NPM1: variants seen among roughly 807,000 people sequenced by gnomAD.
NPM1 encodes the protein nucleophosmin 1.
NPM1 carries 1 observed loss-of-function variant against 44.1 expected under a neutral mutation model. That is an observed-to-expected ratio of 0.02 (90% CI 0.01 to 0.11). The LOEUF is 0.11. NPM1 is among the 10% of genes least tolerant of loss of function. The pLI is 1.00. For synonymous variants in NPM1, 126 were observed against 111.8 expected, an observed-to-expected ratio of 1.13 and a Z score of -0.80; for missense variants, 197 against 347.8, an observed-to-expected ratio of 0.57 and a Z score of 3.45.
intron 6 of NPM1, among the ~76,000 whole-genome samples, chr5:171,396,706 A>G (rs1035460391): frequency 2.0e-5 from 3 of 152,106 alleles, no homozygotes; most frequent in Non-Finnish European, 4.4e-5. Flanking sequence ...TTGTTTACCT[A>G]TTAACAGTTC....
chr5:171,407,092 A>T (rs1410857329), intron 9 of NPM1: 3 of 152,748 alleles, frequency 2.0e-5, no homozygotes, highest in Non-Finnish European at 4.4e-5. Context: ...GAGTGATTAG[A>T]GAAGTGTAAT....
At chr5:171,403,260 C>T (rs868322875) in intron 8 of NPM1, among the ~76,000 whole-genome samples, 994 of 88,382 alleles carry the variant, frequency 0.011, 34 homozygotes, top group African/African-American at 0.036. Flanking sequence ...CATCTTGCAC[C>T]GCCCTTAATC....
chr5:171,387,892 CA>C lies in NPM1; in HGVS notation c.-56del. Reference sequence around the variant, plus strand: ...CGTCCTGCGCGGTTGTTCTCTGGAGCAGCGTTCTTTTATCTCCGTCCGCCTT... The same window carrying C: ...CGTCCTGCGCGGTTGTTCTCTGGAGCGCGTTCTTTTATCTCCGTCCGCCTT... On this transcript the variant is annotated 5_prime_UTR_variant, in exon 1 of 11. Coordinates refer to ENST00000296930, the MANE Select transcript of NPM1 (RefSeq NM_002520.7). The C allele has an allele frequency of 1.3e-6, 2 of 1,533,012 alleles. No individual in the cohort carries two copies. The highest frequency in any genetic ancestry group is 2.2e-5 in the South Asian group (2 of 89,198). 95.0% of individuals were successfully genotyped at this position (1,533,012 alleles called of 1,614,324 possible). A position where few individuals can be genotyped will look rare whatever the true frequency, so the allele number is the denominator to read the frequency against.
At chr5:171,398,708 G>A (rs994806469) in intron 6 of NPM1, among the ~76,000 whole-genome samples, 2 of 152,108 alleles carry the variant, frequency 1.3e-5, no homozygotes, top group African/African-American at 2.4e-5. Context: ...GGAGGCAGAG[G>A]TTGCAGTGAT....
At chr5:171,396,842 G>A (rs1484868513) in intron 6 of NPM1, among the ~76,000 whole-genome samples, 1 of 152,114 alleles carries the variant, frequency 6.6e-6, no homozygotes, top group South Asian at 2.1e-4. Context: ...GTGTGATGGT[G>A]GGCGCTTGCA....
rs138404303 is a variant in NPM1 at position 171,397,935 on chromosome 5, A to AC, written c.525-2210dup. Among the ~76,000 whole-genome samples the AC allele has an allele frequency of 4.6e-3, 668 of 145,076 alleles. 5 individuals carry two copies. Among genetic ancestry groups the AC allele is most frequent in the Middle Eastern group, 0.012 (3 of 258 alleles). The stretch of plus-strand genomic sequence containing the variant: ...CTCCCAAGTAGTTGGGATTACAGGC[A>AC]CCCCCCCCACCACGCCCGGCTAATT... On this transcript the variant is annotated intron_variant, in intron 6 of 10. Transcript: ENST00000296930.
chr5:171,388,029 G>A, intron 1 of NPM1, 23 bp downstream of exon 1: 4 of 1,601,108 alleles, frequency 2.5e-6, no homozygotes, highest in Non-Finnish European at 3.4e-6. Flanking sequence ...GGGAGCTGGA[G>A]CGAGGCCGAG....
At chr5:171,403,646 C>CCT (rs1381791339) in intron 8 of NPM1, among the ~76,000 whole-genome samples, 1 of 135,496 alleles carries the variant, frequency 7.4e-6, no homozygotes, top group Non-Finnish European at 1.6e-5. Flanking sequence ...GCTGACCCCC[C>CCT]CCACCTCCCT....
At chr5:171,406,681 C>CT (rs1771588849) in intron 9 of NPM1, 8 of 1,278,326 alleles carry the variant, frequency 6.3e-6, no homozygotes, top group Non-Finnish European at 6.9e-6. Context: ...TGTTTTAAAT[C>CT]GCCTTTGTAT....
chr5:171,409,644 C>A (rs901030075), intron 10 of NPM1, among the ~76,000 whole-genome samples: 1 of 152,130 alleles, frequency 6.6e-6, no homozygotes, highest in Non-Finnish European at 1.5e-5. Flanking sequence ...TGAGAGAATC[C>A]TGAGTCATCT....
At chr5:171,393,281 T>C (rs182887658) in intron 6 of NPM1, among the ~76,000 whole-genome samples, 8 of 152,338 alleles carry the variant, frequency 5.3e-5, no homozygotes, top group East Asian at 3.9e-4. Flanking sequence ...GGATGTGTTA[T>C]ACCCATCAAG....
intron 6 of NPM1, among the ~76,000 whole-genome samples, chr5:171,399,427 G>A (rs1771077735): frequency 6.6e-6 from 1 of 152,034 alleles, no homozygotes; most frequent in African/African-American, 2.4e-5. Flanking sequence ...AATTTTTTTT[G>A]TAGAGAGGGT....
At chr5:171,404,755 A>G (rs923898439) in intron 8 of NPM1, among the ~76,000 whole-genome samples, 3 of 147,832 alleles carry the variant, frequency 2.0e-5, no homozygotes, top group Non-Finnish European at 3.0e-5. Context: ...AGAGGCTGCA[A>G]TCTCGGCACT....
chr5:171,399,761 A>G (rs1385800295), intron 6 of NPM1, among the ~76,000 whole-genome samples: 1 of 152,118 alleles, frequency 6.6e-6, no homozygotes, highest in Non-Finnish European at 1.5e-5. Context: ...CATACATTAT[A>G]CAGTGGTATA....
At chr5:171,396,009 G>A (rs1193628120) in intron 6 of NPM1, among the ~76,000 whole-genome samples, 6 of 147,672 alleles carry the variant, frequency 4.1e-5, no homozygotes, top group Admixed American at 3.4e-4. Flanking sequence ...CCCGGCTGAA[G>A]TGCATTGTTG....
intron 8 of NPM1, among the ~76,000 whole-genome samples, chr5:171,404,078 C>CG (rs1230010000): frequency 3.0e-5 from 2 of 65,622 alleles, no homozygotes; most frequent in Admixed American, 1.2e-4. Context: ...GCTGGCCGGG[C>CG]GGGGGGCTGA....
At chr5:171,390,943 C>CA (rs61698517) in intron 2 of NPM1, 56,884 of 156,894 alleles carry the variant, frequency 0.36, 10,599 homozygotes, top group East Asian at 0.55. Flanking sequence ...AGGCTGGTCT[C>CA]AAACTCCTGA....
At chr5:171,392,588 T>C (rs1581240588) in intron 4 of NPM1, 122 bp from the exon 5 acceptor site, 1 of 133,014 alleles carries the variant, frequency 7.5e-6, no homozygotes, top group Non-Finnish European at 1.2e-5. Flanking sequence ...CATGTGCTCT[T>C]TTTTTTTTTT....
intron 8 of NPM1, among the ~76,000 whole-genome samples, chr5:171,404,875 T>A (rs889628185): frequency 2.6e-5 from 4 of 152,206 alleles, no homozygotes; most frequent in African/African-American, 4.8e-5. Flanking sequence ...AGACTCTGTC[T>A]GCCCTGATTT....
Sources: gnomAD v4.1 joint callset for allele counts (sites outside exome capture counted in the v4.1 genomes callset) on GRCh38, gnomAD v4.1.1 for gene constraint, MANE v1.5 for transcripts, NCBI Gene and HGNC (gene_info 2026-07-23, HGNC 2026-07-21) for gene names.